Variants in RGS7 observed in about 807,000 individuals in gnomAD.
The protein encoded by RGS7 is regulator of G-protein signaling 7.
Under a neutral mutation model 81.1 loss-of-function variants are expected in RGS7, and 27 were observed. The ratio of observed to expected loss-of-function variants is 0.33; its 90% confidence interval spans 0.25 to 0.46. The LOEUF (loss-of-function observed/expected upper bound fraction) is 0.46, where lower values mean the gene tolerates loss of function less well. Ranked by LOEUF, RGS7 falls within the 20% of genes least tolerant of loss-of-function variation. The pLI is 1.00. For synonymous variants in RGS7, 208 were observed against 207.7 expected (o/e 1.00, Z -0.01); for missense variants, 396 against 607.4 (o/e 0.65, Z 3.66).
intron 3 of RGS7, among the ~76,000 whole-genome samples, chr1:241,050,580 G>A (rs2061194835): frequency 2.0e-5 from 3 of 152,114 alleles, no homozygotes; most frequent in South Asian, 4.1e-4. Flanking sequence ...AAGTACAAGT[G>A]ACCCTTGAAC....
chr1:241,220,066 C>T (rs1178145105), intron 2 of RGS7, among the ~76,000 whole-genome samples: 1 of 152,198 alleles, frequency 6.6e-6, no homozygotes, highest in African/African-American at 2.4e-5. Flanking sequence ...ATTTCTACTT[C>T]AGAGCTTCTA....
At chr1:241,076,508 A>G (rs2062809293) in intron 3 of RGS7, among the ~76,000 whole-genome samples, 1 of 152,178 alleles carries the variant, frequency 6.6e-6, no homozygotes, top group Non-Finnish European at 1.5e-5. Context: ...CAACATTCTC[A>G]TATAGTGTTC....
At chr1:240,844,600 G>A (rs1658719272) in intron 9 of RGS7, among the ~76,000 whole-genome samples, 1 of 152,142 alleles carries the variant, frequency 6.6e-6, no homozygotes, top group South Asian at 2.1e-4. Flanking sequence ...ATAGGACACT[G>A]TATCTACAAA....
At chr1:241,104,044 G>T (rs1165009391) in intron 2 of RGS7, among the ~76,000 whole-genome samples, 1 of 152,106 alleles carries the variant, frequency 6.6e-6, no homozygotes, top group African/African-American at 2.4e-5. Flanking sequence ...ATCTGAACAG[G>T]TGAGTTAATT....
intron 6 of RGS7, among the ~76,000 whole-genome samples, chr1:240,894,290 A>G (rs35517952): frequency 3.9e-5 from 6 of 152,068 alleles, no homozygotes; most frequent in East Asian, 1.9e-4. Context: ...ATTTTCACCA[A>G]CTGTAACTAG....
chr1:240,880,426 G>C (rs946338106), intron 6 of RGS7, among the ~76,000 whole-genome samples: 1 of 152,208 alleles, frequency 6.6e-6, no homozygotes, highest in African/African-American at 2.4e-5. Context: ...AGTTCAAATA[G>C]AGACTAATGC....
chr1:240,863,059 T>A (rs1662532912), intron 9 of RGS7, among the ~76,000 whole-genome samples: 1 of 152,060 alleles, frequency 6.6e-6, no homozygotes, highest in African/African-American at 2.4e-5. Flanking sequence ...CCGCAAGGAA[T>A]CCTCTTAGCC....
chr1:241,290,865 G>A (rs973330623), intron 2 of RGS7, among the ~76,000 whole-genome samples: 3 of 152,100 alleles, frequency 2.0e-5, no homozygotes, highest in East Asian at 3.9e-4. Context: ...CTGTAAATAC[G>A]AACTCTACTT....
chr1:241,066,999 G>A (rs998321311), intron 3 of RGS7, among the ~76,000 whole-genome samples: 1 of 152,204 alleles, frequency 6.6e-6, no homozygotes, highest in East Asian at 1.9e-4. Context: ...AACATCGGGA[G>A]GTTTGAATTT....
In RGS7 at chr1:240,813,825, A is replaced by G. The variant is rs1690313830; in HGVS notation, c.846-97T>C. 3 of 781,110 alleles carry G rather than the reference A, an allele frequency of 3.8e-6. No individual in the cohort carries two copies. The African/African-American group carries it at 5.1e-5, about 13-fold the overall frequency. The allele number at this position is 781,110 out of a possible 1,614,324, so 48.4% of individuals were successfully genotyped here. On this transcript the variant is annotated intron_variant, in intron 12 of 18. Coordinates refer to ENST00000440928, the MANE Select transcript of RGS7 (RefSeq NM_001364886.1). ...ACAATATAAAAATGTGGGACCAAGG[A>G]ATCCTTGTTCACTTAAAGCATGAAA... is the stretch of plus-strand genomic sequence containing the variant.
At chr1:240,930,510 G>T (rs895716060) in intron 6 of RGS7, among the ~76,000 whole-genome samples, 1 of 152,066 alleles carries the variant, frequency 6.6e-6, no homozygotes, top group South Asian at 2.1e-4. Flanking sequence ...TTTAATAGTT[G>T]CAGAGGGCAC....
chr1:241,055,532 T>C (rs1280759093), intron 3 of RGS7, among the ~76,000 whole-genome samples: 3 of 152,034 alleles, frequency 2.0e-5, no homozygotes, highest in Admixed American at 6.6e-5. Flanking sequence ...GGTCATTTAT[T>C]ATAAAGGATA....
At chr1:240,881,336 C>CG (rs1237217450) in intron 6 of RGS7, among the ~76,000 whole-genome samples, 1 of 54,562 alleles carries the variant, frequency 1.8e-5, no homozygotes, top group African/African-American at 7.8e-5. Context: ...ACATCACACA[C>CG]GGGGGGCCTG....
intron 2 of RGS7, among the ~76,000 whole-genome samples, chr1:241,236,529 T>C (rs941487300): frequency 2.0e-5 from 3 of 152,176 alleles, no homozygotes; most frequent in African/African-American, 7.2e-5. Flanking sequence ...TTTTAATATA[T>C]AAACACATTG....
chr1:240,958,317 T>C lies in RGS7; in HGVS notation c.227-21611A>G, dbSNP rs1010322434. 5.9e-5 allele frequency among the ~76,000 whole-genome samples: 9 copies of C among 152,218 alleles called. No individual in the cohort carries two copies. The South Asian group carries it at 1.5e-3, about 25-fold the overall frequency. On this transcript the variant is annotated intron_variant, in intron 4 of 18. Coordinates refer to ENST00000440928, the MANE Select transcript of RGS7 (RefSeq NM_001364886.1). Reference sequence around the variant, plus strand: ...TATCTTTGATCATTACAAAGGATCCTTGTATTTACAAGGTTAGAGTTTGTT... The same window carrying C: ...TATCTTTGATCATTACAAAGGATCCCTGTATTTACAAGGTTAGAGTTTGTT...
chr1:240,881,464 C>G (rs1033089826), intron 6 of RGS7, among the ~76,000 whole-genome samples: 1 of 152,034 alleles, frequency 6.6e-6, no homozygotes, highest in Non-Finnish European at 1.5e-5. Context: ...CAAACCTGCA[C>G]GTTGTGCACA....
chr1:240,928,128 G>A (rs1038689743), intron 6 of RGS7, among the ~76,000 whole-genome samples: 16 of 151,914 alleles, frequency 1.1e-4, no homozygotes, highest in African/African-American at 1.9e-4. Flanking sequence ...GCATTCTCTC[G>A]GCCACCCACT....
rs547643138 is a variant in RGS7, at chr1:241,194,205, T to C, written c.79-95443A>G. Among the ~76,000 whole-genome samples, 95 of 152,360 alleles carry C rather than the reference T, an allele frequency of 6.2e-4. 1 individual carries two copies. The highest frequency in any genetic ancestry group is 2.2e-3 in the African/African-American group (91 of 41,592). The stretch of plus-strand genomic sequence containing the variant: ...AATTTTGTCTACATTTTTGTCATCA[T>C]TTTCTCTTAGATTTTTGTTCAGCTT... On this transcript the variant is annotated intron_variant, in intron 2 of 18. Coordinates refer to ENST00000440928, the MANE Select transcript of RGS7 (RefSeq NM_001364886.1).
chr1:241,291,483 A>T (rs2079080987), intron 2 of RGS7, among the ~76,000 whole-genome samples: 1 of 151,612 alleles, frequency 6.6e-6, no homozygotes, highest in Admixed American at 6.6e-5. Flanking sequence ...CAGATATACT[A>T]TTAATATAAA....
Sources: gnomAD v4.1 joint callset for allele counts (sites outside exome capture counted in the v4.1 genomes callset) on GRCh38, gnomAD v4.1.1 for gene constraint, MANE v1.5 for transcripts, NCBI Gene and HGNC (gene_info 2026-07-23, HGNC 2026-07-21) for gene names.